USP32: variants seen among roughly 807,000 people sequenced by gnomAD.
The protein encoded by USP32 is ubiquitin carboxyl-terminal hydrolase 32.
Under a neutral mutation model 204.8 loss-of-function variants are expected in USP32, and 59 were observed. That is an observed-to-expected ratio of 0.29 (90% CI 0.23 to 0.36). The LOEUF is 0.36. Among genes scored for constraint, USP32 ranks in the 10% least tolerant of loss-of-function variants. The probability of loss-of-function intolerance (pLI) is 1.00; values close to 1 mark genes in which losing one functional copy is unlikely to be tolerated. For synonymous variants in USP32, 517 were observed against 678.4 expected, an observed-to-expected ratio of 0.76 and a Z score of 3.70; for missense variants, 1,160 against 1,946.4, an observed-to-expected ratio of 0.60 and a Z score of 7.60.
intron 9 of USP32, chr17:60,256,836 A>G: frequency 1.1e-6 from 1 of 886,016 alleles, no homozygotes. Flanking sequence ...GGATTGGGCC[A>G]GTCAACATTA....
intron 2 of USP32, among the ~76,000 whole-genome samples, chr17:60,330,162 G>A (rs1308599491): frequency 1.3e-5 from 2 of 152,142 alleles, no homozygotes; most frequent in African/African-American, 2.4e-5. Context: ...GCCTATTAAA[G>A]CTTCTGGTTC....
chr17:60,291,116 G>A (rs1161298910), intron 4 of USP32, among the ~76,000 whole-genome samples: 1 of 152,150 alleles, frequency 6.6e-6, no homozygotes, highest in Non-Finnish European at 1.5e-5. Flanking sequence ...TTTGCCTACT[G>A]TTATACAGTG....
chr17:60,184,920 C>A (rs1212781132), intron 30 of USP32, among the ~76,000 whole-genome samples: 1 of 151,896 alleles, frequency 6.6e-6, no homozygotes, highest in Non-Finnish European at 1.5e-5. Context: ...ATTCTCCTGA[C>A]AAACAACAGG....
chr17:60,237,140 AT>A (rs2085751733), intron 11 of USP32, among the ~76,000 whole-genome samples: 5 of 151,034 alleles, frequency 3.3e-5, no homozygotes, highest in African/African-American at 1.2e-4. Context: ...CTATCTATCT[AT>A]CTATCTATCT....
At chr17:60,421,608 C>G in intron 1 of USP32, 1 of 981,076 alleles carries the variant, frequency 1.0e-6, no homozygotes, top group Non-Finnish European at 1.2e-6. Flanking sequence ...GCAACGGTCT[C>G]TCGTCGCCGG....
At chr17:60,328,227 C>G (rs1340270099) in intron 2 of USP32, among the ~76,000 whole-genome samples, 1 of 152,190 alleles carries the variant, frequency 6.6e-6, no homozygotes, top group African/African-American at 2.4e-5. Context: ...CATAAAAGCC[C>G]CAGGATCAGC....
intron 1 of USP32, among the ~76,000 whole-genome samples, chr17:60,368,285 T>C (rs2089358110): frequency 6.6e-6 from 1 of 152,256 alleles, no homozygotes; most frequent in South Asian, 2.1e-4. Context: ...TTCCTGTTTA[T>C]TTTAATGTAA....
intron 9 of USP32, among the ~76,000 whole-genome samples, chr17:60,255,488 C>T (rs149687746): frequency 5.5e-4 from 84 of 152,070 alleles, no homozygotes; most frequent in African/African-American, 1.7e-3. Flanking sequence ...TCAGTAGAAA[C>T]GGGGTTTCAC....
chr17:60,407,871 G>T (rs1303918155), intron 1 of USP32, among the ~76,000 whole-genome samples: 1 of 151,802 alleles, frequency 6.6e-6, no homozygotes, highest in Non-Finnish European at 1.5e-5. Context: ...GCCAAGGCAG[G>T]CGGATTGCCT....
At chr17:60,414,843 TTTTC>T (rs1028488173) in intron 1 of USP32, among the ~76,000 whole-genome samples, 3 of 151,512 alleles carry the variant, frequency 2.0e-5, no homozygotes, top group Admixed American at 6.6e-5. Flanking sequence ...TTTATTTTTC[TTTTC>T]TTTCTTTCTT....
At chr17:60,330,608 G>A (rs1156303698) in intron 2 of USP32, among the ~76,000 whole-genome samples, 2 of 150,468 alleles carry the variant, frequency 1.3e-5, no homozygotes, top group African/African-American at 2.4e-5. Context: ...GTGCAGTGGT[G>A]CAATCATGGT....
chr17:60,280,763 T>C (rs1193586801), intron 5 of USP32, among the ~76,000 whole-genome samples: 1 of 152,216 alleles, frequency 6.6e-6, no homozygotes, highest in South Asian at 2.1e-4. Context: ...AACAGTTCAA[T>C]GTACCAAATA....
chr17:60,417,746 G>A (rs1347087251), intron 1 of USP32, among the ~76,000 whole-genome samples: 1 of 151,524 alleles, frequency 6.6e-6, no homozygotes, highest in African/African-American at 2.4e-5. Context: ...TTGAGCCATT[G>A]TGCCCAGCCT....
chr17:60,416,117 T>A (rs2090060138), intron 1 of USP32, among the ~76,000 whole-genome samples: 1 of 152,070 alleles, frequency 6.6e-6, no homozygotes. Context: ...GGATTACAGG[T>A]GTGACCCACT....
rs369092558 is a variant in USP32 at position 60,349,604 on chromosome 17, T to A, written c.59-3996A>T. Among the ~76,000 whole-genome samples the A allele has an allele frequency of 7.2e-3, 431 of 59,518 alleles. 7 individuals carry two copies. Among genetic ancestry groups the A allele is most frequent in the African/African-American group, 0.033 (226 of 6,934 alleles). The allele number at this position is 59,518 out of a possible 152,430, so 39.0% of individuals were successfully genotyped here. A position where few individuals can be genotyped will look rare whatever the true frequency, so the allele number is the denominator to read the frequency against. On this transcript the variant is annotated intron_variant, in intron 1 of 33. Coordinates refer to ENST00000300896, the MANE Select transcript of USP32 (RefSeq NM_032582.4). ...AAAAAAAAAAAAAAAAAAATATATA[T>A]ATATATATATATATATATATTATAT...
intron 1 of USP32, among the ~76,000 whole-genome samples, chr17:60,361,677 A>G (rs2089209188): frequency 6.6e-6 from 1 of 152,188 alleles, no homozygotes; most frequent in Admixed American, 6.6e-5. Context: ...TAAAAATTAT[A>G]GAAGAACCTA....
intron 9 of USP32, among the ~76,000 whole-genome samples, chr17:60,260,776 T>C (rs1259390751): frequency 6.6e-6 from 1 of 152,094 alleles, no homozygotes; most frequent in Admixed American, 6.6e-5. Context: ...ATTATTCAAT[T>C]TTTAAATATA....
At chr17:60,208,238 G>A (rs774918188) in intron 23 of USP32, 28 bp from the exon 24 acceptor site, 8 of 1,561,644 alleles carry the variant, frequency 5.1e-6, no homozygotes, top group Non-Finnish European at 6.9e-6. Context: ...TCTTTTATTG[G>A]TAAAATGCAG....
intron 1 of USP32, among the ~76,000 whole-genome samples, chr17:60,420,637 C>T (rs1339047880): frequency 6.6e-6 from 1 of 152,132 alleles, no homozygotes; most frequent in Non-Finnish European, 1.5e-5. Context: ...ATTGCTCCAG[C>T]CTGGGCAATA....
Sources: gnomAD v4.1 joint callset for allele counts (sites outside exome capture counted in the v4.1 genomes callset) on GRCh38, gnomAD v4.1.1 for gene constraint, MANE v1.5 for transcripts, NCBI Gene and HGNC (gene_info 2026-07-23, HGNC 2026-07-21) for gene names.